The following KCNT2 variants were observed in gnomAD, a reference collection of about 807,000 sequenced individuals.
KCNT2 encodes potassium channel subfamily T member 2.
KCNT2 carries 67 observed loss-of-function variants against 153.8 expected under a neutral mutation model. That is an observed-to-expected ratio of 0.44 (90% CI 0.36 to 0.53). The LOEUF (loss-of-function observed/expected upper bound fraction) is 0.53, where lower values mean the gene tolerates loss of function less well. Ranked by LOEUF, KCNT2 falls within the 20% of genes least tolerant of loss-of-function variation. The pLI is 0.00. For missense variants in KCNT2, 975 were observed against 1,354.8 expected (o/e 0.72, Z 4.40); for synonymous variants, 500 against 458.8 (o/e 1.09, Z -1.15).
chr1:196,462,730 T>C (rs1677258997), intron 8 of KCNT2, among the ~76,000 whole-genome samples: 1 of 151,818 alleles, frequency 6.6e-6, no homozygotes, highest in Admixed American at 6.6e-5. Flanking sequence ...TAATGATGTG[T>C]AAAAAAGTTG....
chr1:196,547,240 T>C (rs990899488), intron 1 of KCNT2, among the ~76,000 whole-genome samples: 2 of 151,972 alleles, frequency 1.3e-5, no homozygotes, highest in East Asian at 3.9e-4. Context: ...ATACTGTTGC[T>C]AAGTACTATT....
intron 22 of KCNT2, among the ~76,000 whole-genome samples, chr1:196,303,964 C>T (rs148998635): frequency 1.6e-4 from 24 of 152,200 alleles, no homozygotes; most frequent in African/African-American, 4.1e-4. Context: ...GCTAAAGCAA[C>T]GTGGCATAGT....
At chr1:196,570,525 C>T (rs774572158) in intron 1 of KCNT2, among the ~76,000 whole-genome samples, 5 of 151,982 alleles carry the variant, frequency 3.3e-5, no homozygotes, top group African/African-American at 4.8e-5. Context: ...AACTGAAAAG[C>T]TTGAAACTAT....
chr1:196,446,416 C>T (rs1350171333), intron 8 of KCNT2, among the ~76,000 whole-genome samples: 1 of 151,336 alleles, frequency 6.6e-6, no homozygotes. Context: ...ATGGAGCAAG[C>T]TGTGGAACCA....
rs1234716183 is a variant in KCNT2, at chr1:196,340,449, C to T, written c.1675G>A (p.Glu559Lys). The change falls in exon 16 of 28, where the codon GAG becomes AAG. Residue 559 changes from glutamate (E) to lysine (K), a missense_variant. Physicochemically the swap from Glu to Lys is moderately conservative, Grantham distance 56. Coordinates refer to ENST00000294725, the MANE Select transcript of KCNT2 (RefSeq NM_198503.5). The part of the protein sequence containing the change: ...ICFYINITKE[E>K]NSAFKNQDQQ... ...TCTTGGTTTTTAAATGCTGAATTCT[C>T]TTCTTTGGTAATATTAATATAAAAG... The T allele has an allele frequency of 6.2e-7, 1 of 1,612,122 alleles. No homozygotes were observed. The highest frequency in any genetic ancestry group is 1.7e-5 in the Admixed American group (1 of 59,882).
At chr1:196,260,292 T>C (rs558159927) in intron 25 of KCNT2, among the ~76,000 whole-genome samples, 1 of 151,972 alleles carries the variant, frequency 6.6e-6, no homozygotes, top group African/African-American at 2.4e-5. Flanking sequence ...CATAAATTAA[T>C]AAAAAATTTT....
intron 13 of KCNT2, among the ~76,000 whole-genome samples, chr1:196,378,509 T>C (rs1381568927): frequency 2.0e-5 from 3 of 151,864 alleles, no homozygotes; most frequent in Non-Finnish European, 4.4e-5. Flanking sequence ...CTCCAAGTTT[T>C]AGTGGCGCTA....
In KCNT2 at chr1:196,371,220, C is replaced by CAAAAA. The variant is rs952744388; in HGVS notation, c.1403+1915_1403+1919dup. On this transcript the variant is annotated intron_variant, in intron 14 of 27. Coordinates refer to ENST00000294725, the MANE Select transcript of KCNT2 (RefSeq NM_198503.5). ...GCAACATGGCAAAATCCCGTCACTA[C>CAAAAA]AAAAAAAAAAAAAAAAAAAAAAAAA... is the stretch of plus-strand genomic sequence containing the variant. Among the ~76,000 whole-genome samples the CAAAAA allele has an allele frequency of 2.8e-3, 61 of 21,946 alleles. 11 individuals carry two copies. The highest frequency in any genetic ancestry group is 6.1e-3 in the African/African-American group (41 of 6,726). The allele number at this position is 21,946 out of a possible 152,430, so 14.4% of individuals were successfully genotyped here.
chr1:196,245,115 T>C (rs530819556), intron 26 of KCNT2, among the ~76,000 whole-genome samples: 3 of 152,310 alleles, frequency 2.0e-5, no homozygotes, highest in Non-Finnish European at 4.4e-5. Context: ...CTTTTACAAG[T>C]CTGTAAGAGC....
intron 13 of KCNT2, among the ~76,000 whole-genome samples, chr1:196,385,766 T>TAA (rs11455621): frequency 0.082 from 11,889 of 144,852 alleles, 571 homozygotes; most frequent in Middle Eastern, 0.11. Flanking sequence ...ATTTCTGCAT[T>TAA]AAAAAAATAT....
chr1:196,504,929 G>T (rs10922077), intron 1 of KCNT2, among the ~76,000 whole-genome samples: 1 of 152,122 alleles, frequency 6.6e-6, no homozygotes, highest in African/African-American at 2.4e-5. Flanking sequence ...TTTTGATGGG[G>T]TTGTTTGTTT....
intron 5 of KCNT2, among the ~76,000 whole-genome samples, chr1:196,476,470 T>C (rs1465404094): frequency 6.6e-6 from 1 of 152,168 alleles, no homozygotes; most frequent in Non-Finnish European, 1.5e-5. Flanking sequence ...CAAGGAGATA[T>C]ACTAATACAC....
At chr1:196,424,811 G>A (rs1182710428) in intron 11 of KCNT2, among the ~76,000 whole-genome samples, 2 of 151,532 alleles carry the variant, frequency 1.3e-5, no homozygotes, top group Non-Finnish European at 2.9e-5. Flanking sequence ...AAGGAGTCCA[G>A]AAGTCTGTTC....
At chr1:196,450,084 C>T (rs1014265215) in intron 8 of KCNT2, among the ~76,000 whole-genome samples, 8 of 151,584 alleles carry the variant, frequency 5.3e-5, no homozygotes, top group African/African-American at 1.9e-4. Context: ...TTATAAAAAT[C>T]TTCTGCTACA....
intron 16 of KCNT2, among the ~76,000 whole-genome samples, chr1:196,337,238 C>A (rs1469812180): frequency 6.6e-6 from 1 of 151,690 alleles, no homozygotes; most frequent in African/African-American, 2.4e-5. Flanking sequence ...AATCCGAAAA[C>A]CTTATGTTTC....
intron 26 of KCNT2, among the ~76,000 whole-genome samples, chr1:196,238,012 G>C (rs948438781): frequency 6.6e-6 from 1 of 151,826 alleles, no homozygotes; most frequent in Admixed American, 6.6e-5. Context: ...GCATTGTGGA[G>C]ACTAAATTGT....
At chr1:196,552,145 A>C (rs941203596) in intron 1 of KCNT2, among the ~76,000 whole-genome samples, 26 of 151,514 alleles carry the variant, frequency 1.7e-4, no homozygotes, top group African/African-American at 6.3e-4. Context: ...AACTAAAATA[A>C]ATAGAAAAAA....
intron 14 of KCNT2, among the ~76,000 whole-genome samples, chr1:196,360,591 AC>A: frequency 6.6e-6 from 1 of 152,128 alleles, no homozygotes; most frequent in Non-Finnish European, 1.5e-5. Flanking sequence ...TTAAATTGAG[AC>A]TGTTGAGGTG....
At chr1:196,464,519 T>C (rs1048000849) in intron 8 of KCNT2, among the ~76,000 whole-genome samples, 5 of 151,908 alleles carry the variant, frequency 3.3e-5, no homozygotes, top group African/African-American at 1.2e-4. Context: ...TATGTGTGCA[T>C]TTTTCCTTTT....
Sources: gnomAD v4.1 joint callset for allele counts (sites outside exome capture counted in the v4.1 genomes callset) on GRCh38, gnomAD v4.1.1 for gene constraint, MANE v1.5 for transcripts, NCBI Gene and HGNC (gene_info 2026-07-23, HGNC 2026-07-21) for gene names.